ANKRD44: variants seen among roughly 807,000 people sequenced by gnomAD.
ANKRD44 encodes serine/threonine-protein phosphatase 6 regulatory ankyrin repeat subunit B.
In ANKRD44, 35 loss-of-function variants were observed where a neutral mutation model predicts 116.0. That is an observed-to-expected ratio of 0.30 (90% CI 0.23 to 0.40). The LOEUF is 0.40. ANKRD44 is among the 10% of genes least tolerant of loss of function. The probability of loss-of-function intolerance (pLI) is 1.00; values close to 1 mark genes in which losing one functional copy is unlikely to be tolerated. For missense variants in ANKRD44, 1,014 were observed against 1,242.6 expected, an observed-to-expected ratio of 0.82 and a Z score of 2.77; for synonymous variants, 435 against 461.8, an observed-to-expected ratio of 0.94 and a Z score of 0.74.
chr2:197,213,713 A>C (rs1249199700), intron 1 of ANKRD44, among the ~76,000 whole-genome samples: 2 of 152,236 alleles, frequency 1.3e-5, no homozygotes, highest in Non-Finnish European at 2.9e-5. Flanking sequence ...AGACTGGCTC[A>C]TACAATCTGG....
intron 16 of ANKRD44, among the ~76,000 whole-genome samples, chr2:197,076,798 C>A (rs1420793204): frequency 6.6e-6 from 1 of 152,086 alleles, no homozygotes; most frequent in African/African-American, 2.4e-5. Context: ...AGATTATGTC[C>A]TCCAGCTGTA....
intron 18 of ANKRD44, among the ~76,000 whole-genome samples, chr2:197,010,961 T>G (rs569999278): frequency 1.4e-4 from 22 of 152,344 alleles, no homozygotes; most frequent in Non-Finnish European, 1.6e-4. Context: ...AGCACTCAAA[T>G]GAACTACAGG....
chr2:197,212,205 C>T lies in ANKRD44; in HGVS notation c.28-25099G>A, dbSNP rs866535398. On this transcript the variant is annotated intron_variant, in intron 1 of 27. Coordinates refer to ENST00000282272, the MANE Select transcript of ANKRD44 (RefSeq NM_001195144.2). This position sits in a 1 kb window ranked among gnomAD's most constrained non-coding sequence, Gnocchi z 4.8. ...AGGCAGTACTAGAGCCAAGAGTTTGCAACCAGGCAGATAGGGATCCAGTGG... is the reference window on the plus strand; with the variant it reads ...AGGCAGTACTAGAGCCAAGAGTTTGTAACCAGGCAGATAGGGATCCAGTGG... Among the ~76,000 whole-genome samples, 36 of 152,232 alleles carry T rather than the reference C, an allele frequency of 2.4e-4. No individual in the cohort carries two copies. Among genetic ancestry groups the T allele is most frequent in the African/African-American group, 7.7e-4 (32 of 41,528 alleles).
At chr2:197,095,830 C>G (rs187672249) in intron 10 of ANKRD44, among the ~76,000 whole-genome samples, 8 of 152,290 alleles carry the variant, frequency 5.3e-5, no homozygotes, top group African/African-American at 1.9e-4. Context: ...GAGGGAAGCA[C>G]TCATAATGTT....
chr2:197,059,907 C>A (rs1050870826), intron 16 of ANKRD44, among the ~76,000 whole-genome samples: 1 of 152,198 alleles, frequency 6.6e-6, no homozygotes, highest in Non-Finnish European at 1.5e-5. Flanking sequence ...CTACACTCTC[C>A]ATCCTTCAAT....
chr2:197,211,125 T>G (rs1367318890), intron 1 of ANKRD44, among the ~76,000 whole-genome samples: 3 of 152,192 alleles, frequency 2.0e-5, no homozygotes, highest in Non-Finnish European at 4.4e-5. Flanking sequence ...TCCTTGGTCC[T>G]GCACCCTCAA....
intron 21 of ANKRD44, among the ~76,000 whole-genome samples, chr2:197,005,295 C>A (rs558167886): frequency 2.4e-4 from 37 of 152,190 alleles, no homozygotes; most frequent in African/African-American, 8.9e-4. Context: ...ATGAACCATG[C>A]ATCTACTAGT....
intron 3 of ANKRD44, among the ~76,000 whole-genome samples, chr2:197,138,417 G>A (rs2079273325): frequency 6.6e-6 from 1 of 151,378 alleles, no homozygotes; most frequent in Non-Finnish European, 1.5e-5. Flanking sequence ...GAATGCTAGG[G>A]AGAAGAAAAT....
chr2:197,195,230 C>A (rs1411739329), intron 1 of ANKRD44, among the ~76,000 whole-genome samples: 1 of 152,182 alleles, frequency 6.6e-6, no homozygotes, highest in Non-Finnish European at 1.5e-5. Context: ...ATTCTTCTGC[C>A]TCAGCCTCCC....
At chr2:197,202,697 C>T (rs953986434) in intron 1 of ANKRD44, among the ~76,000 whole-genome samples, 1 of 152,106 alleles carries the variant, frequency 6.6e-6, no homozygotes, top group African/African-American at 2.4e-5. Context: ...CATCAGCCTC[C>T]CAAATAGCTG....
chr2:197,302,649 T>C (rs900592276), intron 1 of ANKRD44: 1 of 152,180 alleles, frequency 6.6e-6, no homozygotes, highest in Non-Finnish European at 1.5e-5. Flanking sequence ...GCTTTCTGTC[T>C]TTAGACTTCT....
chr2:197,184,509 C>T lies in ANKRD44; in HGVS notation c.111+2514G>A, dbSNP rs936177976. Among the ~76,000 whole-genome samples, 25 of 151,892 alleles carry T rather than the reference C, an allele frequency of 1.6e-4. 1 individual carries two copies. The highest frequency in any genetic ancestry group is 3.4e-4 in the Non-Finnish European group (23 of 67,930). On this transcript the variant is annotated intron_variant, in intron 2 of 27. Transcript: ENST00000282272. The stretch of plus-strand genomic sequence containing the variant: ...TATAAAAATTAGCTGGGCATGATGG[C>T]GGGTGCCTGTAATCCCAGCTACTTG...
intron 1 of ANKRD44, among the ~76,000 whole-genome samples, chr2:197,303,639 T>C (rs2083979706): frequency 6.6e-6 from 1 of 152,150 alleles, no homozygotes; most frequent in Non-Finnish European, 1.5e-5. Context: ...AAGCTATGCT[T>C]GGATGCTTAA....
At chr2:197,242,564 T>C (rs1164099479) in intron 1 of ANKRD44, among the ~76,000 whole-genome samples, 1 of 152,178 alleles carries the variant, frequency 6.6e-6, no homozygotes, top group Non-Finnish European at 1.5e-5. Context: ...ATTAAACTGG[T>C]ATGGCCACCT....
intron 10 of ANKRD44, among the ~76,000 whole-genome samples, chr2:197,090,986 AC>A (rs1260458143): frequency 6.6e-6 from 1 of 152,084 alleles, no homozygotes; most frequent in Non-Finnish European, 1.5e-5. Context: ...TGTTCATGAG[AC>A]CTCATTTTTC....
chr2:197,040,263 C>CA (rs2076886189), intron 16 of ANKRD44, among the ~76,000 whole-genome samples: 1 of 148,700 alleles, frequency 6.7e-6, no homozygotes, highest in South Asian at 2.2e-4. Flanking sequence ...CAAAACAAAA[C>CA]AAAAAAACAG....
chr2:197,307,867 T>C (rs1267545038), intron 1 of ANKRD44, among the ~76,000 whole-genome samples: 2 of 152,082 alleles, frequency 1.3e-5, no homozygotes, highest in African/African-American at 2.4e-5. Context: ...ACTTCACAAA[T>C]AGGGCATTCA....
chr2:197,278,946 T>C (rs1172250188), intron 1 of ANKRD44, among the ~76,000 whole-genome samples: 1 of 152,212 alleles, frequency 6.6e-6, no homozygotes, highest in African/African-American at 2.4e-5. Flanking sequence ...GAATTCTCAT[T>C]TGCATTTTGT....
chr2:197,126,825 C>T (rs996781728), intron 4 of ANKRD44, among the ~76,000 whole-genome samples: 5 of 132,490 alleles, frequency 3.8e-5, no homozygotes, highest in Admixed American at 8.2e-5. Flanking sequence ...ACCGCAATTA[C>T]TTTTGCACCA....
Sources: gnomAD v4.1 joint callset for allele counts (sites outside exome capture counted in the v4.1 genomes callset) on GRCh38, gnomAD v4.1.1 for gene constraint, Gnocchi (gnomAD v3.1) non-coding constraint, MANE v1.5 for transcripts, NCBI Gene and HGNC (gene_info 2026-07-23, HGNC 2026-07-21) for gene names.